The following MED13L variants were observed in gnomAD, a reference collection of about 807,000 sequenced individuals.
MED13L encodes mediator complex subunit 13L.
MED13L carries 7 observed loss-of-function variants against 220.9 expected under a neutral mutation model. The observed-to-expected ratio is 0.03, with a 90% CI of 0.02 to 0.06. MED13L has a LOEUF of 0.06. Among genes scored for constraint, MED13L ranks in the 10% least tolerant of loss-of-function variants. The probability of loss-of-function intolerance (pLI) is 1.00; values close to 1 mark genes in which losing one functional copy is unlikely to be tolerated. For synonymous variants in MED13L, 1,011 were observed against 1,015.2 expected (o/e 1.00, Z 0.08); for missense variants, 1,965 against 2,760.5 (o/e 0.71, Z 6.46).
intron 3 of MED13L, among the ~76,000 whole-genome samples, chr12:116,103,204 A>T (rs1339283472): frequency 6.6e-6 from 1 of 152,126 alleles, no homozygotes; most frequent in South Asian, 2.1e-4. Flanking sequence ...CTCTAGTTTT[A>T]AACTTTTAAT....
At chr12:116,232,791 TA>T (rs34734697) in intron 2 of MED13L, among the ~76,000 whole-genome samples, 1 of 152,138 alleles carries the variant, frequency 6.6e-6, no homozygotes, top group Non-Finnish European at 1.5e-5. Flanking sequence ...TGTGTTTATT[TA>T]AAAAGCATTT....
At chr12:116,162,318 G>C (rs1258807374) in intron 2 of MED13L, among the ~76,000 whole-genome samples, 1 of 152,170 alleles carries the variant, frequency 6.6e-6, no homozygotes, top group Non-Finnish European at 1.5e-5. Flanking sequence ...CCCAGTAGAA[G>C]CTGTGATTCT....
chr12:116,248,210 A>G (rs1871240813), intron 1 of MED13L, among the ~76,000 whole-genome samples: 1 of 152,234 alleles, frequency 6.6e-6, no homozygotes, highest in South Asian at 2.1e-4. Context: ...ATACATAGTT[A>G]AAATGATTCT....
intron 2 of MED13L, among the ~76,000 whole-genome samples, chr12:116,199,990 G>A (rs1881902306): frequency 6.6e-6 from 1 of 151,534 alleles, no homozygotes; most frequent in Non-Finnish European, 1.5e-5. Flanking sequence ...ACATTGTCAT[G>A]GTTGAAATAA....
chr12:116,106,535 T>C (rs560284757), intron 3 of MED13L, among the ~76,000 whole-genome samples: 1 of 152,228 alleles, frequency 6.6e-6, no homozygotes, highest in African/African-American at 2.4e-5. Flanking sequence ...TAACCAAAAG[T>C]ATATATTCAG....
At chr12:116,016,716 G>A (rs1879746298) in intron 7 of MED13L, among the ~76,000 whole-genome samples, 1 of 152,158 alleles carries the variant, frequency 6.6e-6, no homozygotes, top group Non-Finnish European at 1.5e-5. Context: ...ACTAAAATCT[G>A]AGTGGTATCT....
intron 3 of MED13L, among the ~76,000 whole-genome samples, chr12:116,108,038 C>A (rs772013675): frequency 6.6e-5 from 10 of 151,566 alleles, no homozygotes; most frequent in Non-Finnish European, 1.5e-4. Flanking sequence ...TGCAGTGAGC[C>A]GAGATCGTGC....
chr12:116,262,936 A>C (rs145620288), intron 1 of MED13L, among the ~76,000 whole-genome samples: 5 of 152,310 alleles, frequency 3.3e-5, no homozygotes, highest in African/African-American at 4.8e-5. Flanking sequence ...TGGGATCATG[A>C]AACCTGATTC....
At chr12:116,276,799 G>T in intron 1 of MED13L, 1 of 1,220,904 alleles carries the variant, frequency 8.2e-7, no homozygotes, top group Non-Finnish European at 1.1e-6. Context: ...AGAATCCGCA[G>T]CTCCGAGACT....
At position 115,996,809 on chromosome 12, in the gene MED13L, T is replaced by C. The variant is rs541725983; in HGVS notation, c.2791-128A>G. 37 of 1,058,832 alleles carry C rather than the reference T, an allele frequency of 3.5e-5. No individual in the cohort carries two copies. In the African/African-American group the frequency reaches 5.7e-4, roughly 16 times the overall value. The allele number at this position is 1,058,832 out of a possible 1,614,324, so 65.6% of individuals were successfully genotyped here. ...TTCAGTATTTCTCTCCTATGATCAT[T>C]AGAAAATGCTAATGCAGAAATGTTA... On this transcript the variant is annotated intron_variant, in intron 15 of 30. Coordinates refer to ENST00000281928, the MANE Select transcript of MED13L (RefSeq NM_015335.5).
chr12:116,276,672 G>C (rs900342827), intron 1 of MED13L: 9 of 1,191,158 alleles, frequency 7.6e-6, no homozygotes, highest in South Asian at 1.6e-5. Context: ...GTTGCCGATC[G>C]GAGGCGCGGC....
chr12:116,087,800 T>A (rs527390765), intron 4 of MED13L, among the ~76,000 whole-genome samples: 169 of 152,294 alleles, frequency 1.1e-3, no homozygotes, highest in Admixed American at 2.4e-3. Flanking sequence ...TAAAAGTGCA[T>A]CAGGAAAAGG....
At position 116,064,340 on chromosome 12, in the gene MED13L, A is replaced by T. The variant is rs569849244; in HGVS notation, c.479+32329T>A. Among the ~76,000 whole-genome samples, 6 of 152,352 alleles carry T rather than the reference A, an allele frequency of 3.9e-5. No homozygotes were observed. In the South Asian group the frequency reaches 1.2e-3, roughly 32 times the overall value. On this transcript the variant is annotated intron_variant, in intron 4 of 30. Coordinates refer to ENST00000281928, the MANE Select transcript of MED13L (RefSeq NM_015335.5). ...GAATAATTACAAGAAAAAAGTCTGT[A>T]CATACTCAGACTTAGCCAACCGAGT...
At chr12:116,230,787 A>T (rs1869485194) in intron 2 of MED13L, among the ~76,000 whole-genome samples, 1 of 152,222 alleles carries the variant, frequency 6.6e-6, no homozygotes, top group Non-Finnish European at 1.5e-5. Flanking sequence ...ACTGATAATA[A>T]ATTCATGTAT....
intron 2 of MED13L, among the ~76,000 whole-genome samples, chr12:116,205,213 T>C (rs1882235440): frequency 6.6e-6 from 1 of 152,190 alleles, no homozygotes; most frequent in Admixed American, 6.5e-5. Context: ...GGAGCTCTGA[T>C]GGCAAAAGCA....
chr12:116,027,165 G>A (rs1480609071), intron 4 of MED13L, among the ~76,000 whole-genome samples: 1 of 152,198 alleles, frequency 6.6e-6, no homozygotes, highest in Non-Finnish European at 1.5e-5. Flanking sequence ...GCTCACGCCT[G>A]TAATCCTAGC....
chr12:116,257,560 C>T (rs972365260), intron 1 of MED13L, among the ~76,000 whole-genome samples: 1 of 152,140 alleles, frequency 6.6e-6, no homozygotes, highest in Non-Finnish European at 1.5e-5. Context: ...AGTAACAAGA[C>T]AGAAAGAGCC....
At chr12:116,109,060 CTTTTTTTTTT>C (rs751600660) in intron 3 of MED13L, among the ~76,000 whole-genome samples, 18 of 97,082 alleles carry the variant, frequency 1.9e-4, no homozygotes, top group Non-Finnish European at 2.9e-4. Context: ...AATTAATTTC[CTTTTTTTTTT>C]TTTTTTTTTT....
chr12:116,035,676 GACCTC>G (rs1279689969), intron 4 of MED13L, among the ~76,000 whole-genome samples: 33 of 151,820 alleles, frequency 2.2e-4, no homozygotes, highest in African/African-American at 7.5e-4. Flanking sequence ...CTGCAGCCTC[GACCTC>G]CCAAGATCCA....
Sources: allele counts gnomAD v4.1 joint callset (sites outside exome capture counted in the v4.1 genomes callset), GRCh38; gene constraint gnomAD v4.1.1; transcripts MANE v1.5; gene names NCBI Gene and HGNC (gene_info 2026-07-23, HGNC 2026-07-21).